PACRG: variants seen among roughly 807,000 people sequenced by gnomAD.
PACRG encodes parkin coregulated gene protein.
In PACRG, 29 loss-of-function variants were observed where a neutral mutation model predicts 29.7. The observed-to-expected ratio is 0.98, with a 90% confidence interval of 0.73 to 1.33. The LOEUF is 1.33. Ranked by LOEUF, PACRG falls within the 40% of genes most tolerant of loss-of-function variation. The pLI is 0.00. For missense variants in PACRG, 279 were observed against 316.2 expected, an observed-to-expected ratio of 0.88 and a Z score of 0.89; for synonymous variants, 116 against 118.7, an observed-to-expected ratio of 0.98 and a Z score of 0.15.
At chr6:162,786,474 C>G (rs949948556) in intron 1 of PACRG, among the ~76,000 whole-genome samples, 1 of 152,148 alleles carries the variant, frequency 6.6e-6, no homozygotes, top group Non-Finnish European at 1.5e-5. Context: ...GTATGCTATT[C>G]GTGGTGTGGT....
chr6:163,186,398 C>A (rs1308104722), intron 4 of PACRG, among the ~76,000 whole-genome samples: 2 of 152,148 alleles, frequency 1.3e-5, no homozygotes, highest in Admixed American at 6.5e-5. Flanking sequence ...CAGATACACA[C>A]ACACAGACAC....
intron 4 of PACRG, among the ~76,000 whole-genome samples, chr6:163,220,494 TAAG>T (rs1330310873): frequency 6.6e-6 from 1 of 152,144 alleles, no homozygotes; most frequent in Non-Finnish European, 1.5e-5. Context: ...AGCCAGGCTC[TAAG>T]GCGGAGAAGA....
chr6:163,287,854 T>C (rs1585401771), intron 4 of PACRG, among the ~76,000 whole-genome samples: 1 of 152,300 alleles, frequency 6.6e-6, no homozygotes, highest in East Asian at 1.9e-4. Context: ...GCTGAGGGTT[T>C]TGTGGTCTGG....
chr6:163,229,464 T>C (rs937124982), intron 4 of PACRG, among the ~76,000 whole-genome samples: 8 of 152,344 alleles, frequency 5.3e-5, no homozygotes, highest in African/African-American at 1.9e-4. Context: ...TTGCATCTGA[T>C]CTTTGCTTGC....
chr6:163,291,644 A>C (rs1279610796), intron 4 of PACRG, among the ~76,000 whole-genome samples: 8 of 152,258 alleles, frequency 5.3e-5, no homozygotes, highest in Non-Finnish European at 1.2e-4. Context: ...ATATTTTCAC[A>C]GTAACTTCAG....
chr6:162,869,832 G>A (rs1460489115), intron 2 of PACRG, among the ~76,000 whole-genome samples: 1 of 152,124 alleles, frequency 6.6e-6, no homozygotes, highest in East Asian at 1.9e-4. Flanking sequence ...ATTAAACATT[G>A]TAATCTGCAA....
intron 4 of PACRG, among the ~76,000 whole-genome samples, chr6:163,142,785 C>T (rs1402382499): frequency 1.3e-5 from 2 of 152,192 alleles, no homozygotes; most frequent in Non-Finnish European, 1.5e-5. Flanking sequence ...AAGGGCACTG[C>T]ACCCTGTGAT....
chr6:162,941,430 A>G lies in PACRG; in HGVS notation c.292-120720A>G, dbSNP rs1798623897. Among the ~76,000 whole-genome samples, 2 of 152,168 alleles carry G rather than the reference A, an allele frequency of 1.3e-5. 1 individual carries two copies. Among genetic ancestry groups the G allele is most frequent in the South Asian group, 4.1e-4 (2 of 4,828 alleles). On this transcript the variant is annotated intron_variant, in intron 2 of 4. Transcript: ENST00000366888. Reference sequence around the variant, plus strand: ...CGAGTGCAAGGTCCTGCACGCCACAAAATTTCACTGGAGGTTTGGGGACAG... The same window carrying G: ...CGAGTGCAAGGTCCTGCACGCCACAGAATTTCACTGGAGGTTTGGGGACAG...
intron 2 of PACRG, among the ~76,000 whole-genome samples, chr6:162,851,979 AAAG>A (rs1361987059): frequency 1.7e-5 from 2 of 115,540 alleles, no homozygotes; most frequent in Non-Finnish European, 3.4e-5. Flanking sequence ...GGAAAAGAGA[AAAG>A]AAAAGGGAGG....
chr6:163,258,108 T>G (rs182867706), intron 4 of PACRG, among the ~76,000 whole-genome samples: 1 of 152,306 alleles, frequency 6.6e-6, no homozygotes, highest in East Asian at 1.9e-4. Flanking sequence ...CTTGTTTCCA[T>G]TTTTAAACAG....
At chr6:162,953,962 C>A (rs544506105) in intron 2 of PACRG, among the ~76,000 whole-genome samples, 1 of 151,984 alleles carries the variant, frequency 6.6e-6, no homozygotes, top group Non-Finnish European at 1.5e-5. Flanking sequence ...TGTAGAATAC[C>A]AATTTTTTAT....
intron 1 of PACRG, among the ~76,000 whole-genome samples, chr6:162,809,124 G>A (rs1395026304): frequency 6.6e-6 from 1 of 151,998 alleles, no homozygotes; most frequent in East Asian, 1.9e-4. Flanking sequence ...CATGTCATAT[G>A]TACCTGGAAC....
intron 1 of PACRG, among the ~76,000 whole-genome samples, chr6:162,747,468 G>A (rs1288850717): frequency 0.033 from 1,175 of 35,858 alleles, 249 homozygotes; most frequent in African/African-American, 0.075. Flanking sequence ...AAATATATAT[G>A]TAAAACTATA....
At chr6:163,251,091 G>T (rs1304515603) in intron 4 of PACRG, among the ~76,000 whole-genome samples, 1 of 151,716 alleles carries the variant, frequency 6.6e-6, no homozygotes, top group Non-Finnish European at 1.5e-5. Flanking sequence ...ATGATACAGT[G>T]GACTCTGGGA....
At chr6:162,760,797 G>A (rs1458170428) in intron 1 of PACRG, among the ~76,000 whole-genome samples, 1 of 152,152 alleles carries the variant, frequency 6.6e-6, no homozygotes, top group Admixed American at 6.5e-5. Flanking sequence ...GTGACATGGT[G>A]AAAGGATCAC....
intron 1 of PACRG, among the ~76,000 whole-genome samples, chr6:162,805,272 T>C (rs984106651): frequency 1.3e-5 from 2 of 152,204 alleles, no homozygotes; most frequent in Non-Finnish European, 1.5e-5. Flanking sequence ...TTTTTTTGTT[T>C]CCCAGTGCAT....
intron 2 of PACRG, among the ~76,000 whole-genome samples, chr6:163,054,511 C>T (rs574775337): frequency 2.6e-5 from 4 of 152,266 alleles, no homozygotes; most frequent in East Asian, 3.9e-4. Flanking sequence ...TAAGACAGTG[C>T]GTTCGAAGAG....
At chr6:162,767,606 A>G (rs1356119560) in intron 1 of PACRG, among the ~76,000 whole-genome samples, 1 of 151,726 alleles carries the variant, frequency 6.6e-6, no homozygotes, top group Non-Finnish European at 1.5e-5. Flanking sequence ...TATCTTATAC[A>G]TTCTGACAAT....
chr6:163,228,347 A>T (rs1781888078), intron 4 of PACRG, among the ~76,000 whole-genome samples: 1 of 126,394 alleles, frequency 7.9e-6, no homozygotes, highest in South Asian at 2.9e-4. Flanking sequence ...ACATCAGTGG[A>T]GGCAGATAAG....
Sources: allele counts gnomAD v4.1 joint callset (sites outside exome capture counted in the v4.1 genomes callset), GRCh38; gene constraint gnomAD v4.1.1; transcripts MANE v1.5; gene names NCBI Gene and HGNC (gene_info 2026-07-23, HGNC 2026-07-21).